Variants in IL20RA observed in about 807,000 individuals in gnomAD.
IL20RA encodes the protein interleukin 20 receptor subunit alpha.
In IL20RA, 29 loss-of-function variants were observed where a neutral mutation model predicts 36.5. The observed-to-expected ratio is 0.79, with a 90% CI of 0.59 to 1.08. The LOEUF is 1.08. Ranked by LOEUF, IL20RA falls within the 50% of genes least tolerant of loss-of-function variation. The pLI, the probability that IL20RA is intolerant of heterozygous loss-of-function variation, is 0.00. For synonymous variants in IL20RA, 279 were observed against 267.1 expected (o/e 1.04, Z -0.43); for missense variants, 652 against 668.4 (o/e 0.98, Z 0.27).
intron 6 of IL20RA, among the ~76,000 whole-genome samples, chr6:137,004,174 T>TTTTTTTTTTTTTTG (rs1562228088): frequency 1.5e-4 from 19 of 124,492 alleles, no homozygotes; most frequent in African/African-American, 3.8e-4. Flanking sequence ...TTTTTTTTTT[T>TTTTTTTTTTTTTTG]TTTTTTTTTT....
chr6:137,030,071 T>G (rs891256032), intron 1 of IL20RA, among the ~76,000 whole-genome samples: 7 of 14,052 alleles, frequency 5.0e-4, no homozygotes, highest in African/African-American at 1.4e-3. Context: ...GGTTTGCGGG[T>G]TTTTTTTTTT....
intron 1 of IL20RA, chr6:137,038,132 C>T (rs1488822757): frequency 6.8e-6 from 1 of 147,998 alleles, no homozygotes; most frequent in Non-Finnish European, 1.5e-5. Flanking sequence ...AAAAGGAATT[C>T]TGAAAGATAA....
At chr6:137,031,608 T>C (rs1473746607) in intron 1 of IL20RA, among the ~76,000 whole-genome samples, 1 of 152,220 alleles carries the variant, frequency 6.6e-6, no homozygotes, top group Non-Finnish European at 1.5e-5. Context: ...TTTGGGGAAG[T>C]ACATTCTATG....
intron 1 of IL20RA, among the ~76,000 whole-genome samples, chr6:137,041,669 T>C (rs1350431705): frequency 6.6e-6 from 1 of 152,138 alleles, no homozygotes. Flanking sequence ...CTCACTCCAT[T>C]AAGTCATTCT....
intron 1 of IL20RA, among the ~76,000 whole-genome samples, chr6:137,041,192 G>C (rs1178100577): frequency 6.6e-6 from 1 of 152,212 alleles, no homozygotes; most frequent in Non-Finnish European, 1.5e-5. Flanking sequence ...AGCAAAGAAA[G>C]GCTGAGGATC....
intron 2 of IL20RA, among the ~76,000 whole-genome samples, chr6:137,012,560 GAC>G (rs920711536): frequency 2.6e-5 from 4 of 151,986 alleles, no homozygotes; most frequent in African/African-American, 9.7e-5. Context: ...TCTCAGGAGA[GAC>G]ATGTGTGTGG....
At chr6:137,027,915 A>G (rs1340722016) in intron 1 of IL20RA, among the ~76,000 whole-genome samples, 3 of 152,234 alleles carry the variant, frequency 2.0e-5, no homozygotes, top group Admixed American at 6.5e-5. Flanking sequence ...AGAAAAGATT[A>G]TATGACCAAG....
chr6:137,040,279 C>T (rs1351148095), intron 1 of IL20RA, among the ~76,000 whole-genome samples: 1 of 149,492 alleles, frequency 6.7e-6, no homozygotes, highest in African/African-American at 2.4e-5. Context: ...TACACACCCA[C>T]AGATACATAC....
intron 1 of IL20RA, among the ~76,000 whole-genome samples, chr6:137,022,761 A>T (rs1175186111): frequency 6.6e-6 from 1 of 152,382 alleles, no homozygotes; most frequent in East Asian, 1.9e-4. Context: ...TCAGTATAAC[A>T]GATATCCTTA....
chr6:137,007,944 G>T (rs971767959), intron 5 of IL20RA, among the ~76,000 whole-genome samples: 1 of 152,176 alleles, frequency 6.6e-6, no homozygotes, highest in African/African-American at 2.4e-5. Context: ...GAAGACCACA[G>T]AATTTCTATC....
intron 1 of IL20RA, among the ~76,000 whole-genome samples, chr6:137,042,103 T>A (rs540338208): frequency 6.6e-6 from 1 of 152,276 alleles, no homozygotes; most frequent in East Asian, 1.9e-4. Flanking sequence ...AGGAGTTAGC[T>A]GGGAATAGAG....
intron 2 of IL20RA, among the ~76,000 whole-genome samples, chr6:137,016,760 T>C (rs981535): frequency 0.57 from 87,067 of 152,062 alleles, 30,474 homozygotes; most frequent in East Asian, 0.91. Context: ...AACCTTGCCT[T>C]GCCTGAGCCC....
chr6:137,026,904 G>C lies in IL20RA; in HGVS notation c.89-9801C>G, dbSNP rs147707699. On this transcript the variant is annotated intron_variant, in intron 1 of 6. Transcript: ENST00000316649. ...TAAGTCTTCTTTTTTTTTTTGAGAT[G>C]GAGTGTCACTCTTGTTGCCCAGGCT... is the stretch of plus-strand genomic sequence containing the variant. Among the ~76,000 whole-genome samples the C allele has an allele frequency of 2.5e-4, 38 of 150,258 alleles. No homozygotes were observed. The East Asian group carries it at 6.0e-3, about 24-fold the overall frequency.
rs117234920 is a variant in IL20RA at position 137,041,032 on chromosome 6, A to G, written c.88+3609T>C. ...ACCAATAAGAAGACATGTTGATATTACAAATCCTTTGAAGTGACAATTTAT... is the reference window on the plus strand; with the variant it reads ...ACCAATAAGAAGACATGTTGATATTGCAAATCCTTTGAAGTGACAATTTAT... On this transcript the variant is annotated intron_variant, in intron 1 of 6. Transcript: ENST00000316649. Among the ~76,000 whole-genome samples, 95 of 152,372 alleles carry G rather than the reference A, an allele frequency of 6.2e-4. 2 individuals are homozygous for G. The East Asian group carries it at 0.017, about 27-fold the overall frequency.
intron 1 of IL20RA, among the ~76,000 whole-genome samples, chr6:137,039,752 A>G (rs935620007): frequency 6.6e-6 from 1 of 152,214 alleles, no homozygotes; most frequent in Non-Finnish European, 1.5e-5. Flanking sequence ...TAGGGCTCAG[A>G]AGGGAGCCAC....
intron 1 of IL20RA, among the ~76,000 whole-genome samples, chr6:137,033,116 T>C (rs762219545): frequency 6.6e-6 from 1 of 152,170 alleles, no homozygotes; most frequent in Non-Finnish European, 1.5e-5. Context: ...GCTGGATGTC[T>C]GATATCAAGG....
intron 1 of IL20RA, among the ~76,000 whole-genome samples, chr6:137,018,059 G>A (rs1373195343): frequency 6.6e-6 from 1 of 152,202 alleles, no homozygotes; most frequent in African/African-American, 2.4e-5. Flanking sequence ...AACTTATCCT[G>A]TCACAAATAT....
At chr6:137,029,940 G>T (rs199590739) in intron 1 of IL20RA, among the ~76,000 whole-genome samples, 3 of 29,122 alleles carry the variant, frequency 1.0e-4, no homozygotes, top group Non-Finnish European at 6.0e-4. Context: ...AATAGAAAAG[G>T]TAAAAAAAAA....
chr6:137,003,886 C>A (rs1171846847), intron 6 of IL20RA, among the ~76,000 whole-genome samples: 2 of 152,120 alleles, frequency 1.3e-5, no homozygotes, highest in African/African-American at 4.8e-5. Flanking sequence ...AACTCCTACT[C>A]ACCTCTCATA....
Sources: allele counts gnomAD v4.1 joint callset (sites outside exome capture counted in the v4.1 genomes callset), GRCh38; gene constraint gnomAD v4.1.1; transcripts MANE v1.5; gene names NCBI Gene and HGNC (gene_info 2026-07-23, HGNC 2026-07-21).